PDS5B: variants seen among roughly 807,000 people sequenced by gnomAD.
The protein encoded by PDS5B is sister chromatid cohesion protein PDS5 homolog B.
PDS5B carries 51 observed loss-of-function variants against 184.1 expected under a neutral mutation model. The observed-to-expected ratio is 0.28, with a 90% CI of 0.22 to 0.35. PDS5B has a LOEUF of 0.35. PDS5B is among the 10% of genes least tolerant of loss of function. The probability of loss-of-function intolerance (pLI) is 1.00; values close to 1 mark genes in which losing one functional copy is unlikely to be tolerated. For missense variants in PDS5B, 1,180 were observed against 1,723.3 expected (o/e 0.68, Z 5.58); for synonymous variants, 566 against 569.2 (o/e 0.99, Z 0.08).
chr13:32,603,741 G>A (rs1488552389), intron 1 of PDS5B, among the ~76,000 whole-genome samples: 1 of 150,646 alleles, frequency 6.6e-6, no homozygotes, highest in African/African-American at 2.4e-5. Flanking sequence ...TGGAATGTTT[G>A]TGTCCTCTTT....
chr13:32,654,880 G>A (rs974878469), intron 3 of PDS5B, among the ~76,000 whole-genome samples: 27 of 152,234 alleles, frequency 1.8e-4, no homozygotes, highest in African/African-American at 4.8e-4. Context: ...TTATGGCTGT[G>A]TAATAGTCCA....
At chr13:32,653,976 A>G (rs534854280) in intron 3 of PDS5B, among the ~76,000 whole-genome samples, 5 of 152,352 alleles carry the variant, frequency 3.3e-5, no homozygotes, top group South Asian at 2.1e-4. Flanking sequence ...TCCCTAAAGA[A>G]TAGCTACATA....
rs188161345 is a variant in PDS5B, at chr13:32,716,313, G to A, written c.2123+6207G>A. Among the ~76,000 whole-genome samples the A allele has an allele frequency of 6.5e-3, 984 of 150,360 alleles. 20 individuals carry two copies. The highest frequency in any genetic ancestry group is 0.022 in the African/African-American group (900 of 40,636). ...ATGTGGGGAGCGCCTCTGCCCTGCC[G>A]CCCCATCTGGGATGTGAGGAGCGCC... On this transcript the variant is annotated intron_variant, in intron 19 of 34. Transcript: ENST00000315596.
intron 21 of PDS5B, 56 bp from the exon 22 acceptor site, chr13:32,741,024 A>T: frequency 1.0e-6 from 1 of 979,850 alleles, no homozygotes; most frequent in Non-Finnish European, 1.6e-6. Context: ...ATTGAAAAGA[A>T]TTCATATTTA....
Position 32,775,030 on chromosome 13 carries a change from G to A in PDS5B, c.4322G>A (p.Ser1441Asn). Residue 1441 changes from serine to asparagine, a missense_variant, in exon 35 of 35, where the codon AGT (serine) becomes AAT (asparagine). Ser to Asn is a conservative substitution (Grantham distance 46). Transcript: ENST00000315596. ...EVSTVNVRRR[S>N]AKRERR ...TTTCCTTTTAAGGTACGGCGGCGAAGTGCTAAAAGGGAACGGCGATGAACA... is the reference window on the plus strand; with the variant it reads ...TTTCCTTTTAAGGTACGGCGGCGAAATGCTAAAAGGGAACGGCGATGAACA... 1 of 1,607,196 alleles carries A rather than the reference G, an allele frequency of 6.2e-7. No homozygotes were observed. The highest frequency in any genetic ancestry group is 8.5e-7 in the Non-Finnish European group (1 of 1,176,476).
chr13:32,631,171 A>G (rs2058449711), intron 1 of PDS5B, among the ~76,000 whole-genome samples: 2 of 141,470 alleles, frequency 1.4e-5, no homozygotes, highest in Middle Eastern at 3.9e-3. Flanking sequence ...GCTGGGGTGC[A>G]GTGGTGGGAT....
chr13:32,658,309 AT>A lies in PDS5B; in HGVS notation c.388del (p.Tyr130IlefsTer18). 6.7e-7 allele frequency: 1 copy of A among 1,502,782 alleles called. No individual in the cohort carries two copies. The highest frequency in any genetic ancestry group is 9.2e-7 in the Non-Finnish European group (1 of 1,082,968). 93.1% of individuals were successfully genotyped at this position (1,502,782 alleles called of 1,614,324 possible). ...ACAAAGAGCCCACAATTCAATAGGT[AT>A]TTTTATTTACTTGAGGTAAGCAATA... ...EDTKSPQFNR[Y>X]FYLLENIAWV... is the part of the protein sequence containing the mutation. On this transcript the variant is annotated frameshift_variant, in exon 4 of 35. Coordinates refer to ENST00000315596, the MANE Select transcript of PDS5B (RefSeq NM_015032.4). LOFTEE classifies it high-confidence loss of function.
At chr13:32,642,700 C>T (rs1483450588) in intron 1 of PDS5B, among the ~76,000 whole-genome samples, 5 of 152,016 alleles carry the variant, frequency 3.3e-5, no homozygotes, top group African/African-American at 1.2e-4. Context: ...TTCCTTCCAC[C>T]TTTTCCTTCA....
In PDS5B at chr13:32,650,408, T is replaced by C. The variant is rs554237940; in HGVS notation, c.109-1396T>C. On this transcript the variant is annotated intron_variant, in intron 2 of 34. Coordinates refer to ENST00000315596, the MANE Select transcript of PDS5B (RefSeq NM_015032.4). Reference sequence around the variant, plus strand: ...TATGAAAAAATTATGTAGGATGATATGTACAAATACCCATGTAAGTTTTAT... The same window carrying C: ...TATGAAAAAATTATGTAGGATGATACGTACAAATACCCATGTAAGTTTTAT... 27 of 152,340 alleles carry C rather than the reference T, an allele frequency of 1.8e-4. No individual in the cohort carries two copies. The East Asian group carries it at 3.9e-3, about 22-fold the overall frequency. 9.4% of individuals were successfully genotyped at this position (152,340 alleles called of 1,614,324 possible).
rs375431485 is a variant in PDS5B, at chr13:32,631,862, TGA to T, written c.-19-16889_-19-16888del. The stretch of plus-strand genomic sequence containing the variant: ...AACTTGTCTGACCATAGGAATTGTC[TGA>T]GACATTCCTTAAAAACGGCAGAATC... On this transcript the variant is annotated intron_variant, in intron 1 of 34. Coordinates refer to ENST00000315596, the MANE Select transcript of PDS5B (RefSeq NM_015032.4). Among the ~76,000 whole-genome samples the T allele has an allele frequency of 7.2e-3, 1,093 of 152,346 alleles. 11 individuals carry two copies. The highest frequency in any genetic ancestry group is 0.025 in the African/African-American group (1,050 of 41,592).
chr13:32,736,661 TTAAA>T (rs1953339233), intron 21 of PDS5B, among the ~76,000 whole-genome samples: 1 of 152,120 alleles, frequency 6.6e-6, no homozygotes, highest in Non-Finnish European at 1.5e-5. Flanking sequence ...TTTACAAACT[TTAAA>T]TAATTTTTAG....
In PDS5B at chr13:32,655,359, C is replaced by CATATATATATATATGTATAT. The variant is rs1555296312; in HGVS notation, c.313-2866_313-2865insGTATATATATATATATATAT. On this transcript the variant is annotated intron_variant, in intron 3 of 34. Coordinates refer to ENST00000315596, the MANE Select transcript of PDS5B (RefSeq NM_015032.4). ...AAAAGTATCTCTTCATGTTCTTTGC[C>CATATATATATATATGTATAT]ATATATATATATATATTTTTTTTTT... Among the ~76,000 whole-genome samples the CATATATATATATATGTATAT allele has an allele frequency of 1.1e-3, 43 of 39,600 alleles. 3 individuals are homozygous for CATATATATATATATGTATAT. Among genetic ancestry groups the CATATATATATATATGTATAT allele is most frequent in the Admixed American group, 1.6e-3 (4 of 2,542 alleles). 26.0% of individuals were successfully genotyped at this position (39,600 alleles called of 152,430 possible).
chr13:32,750,221 C>T (rs1473505755), intron 24 of PDS5B, among the ~76,000 whole-genome samples: 1 of 152,168 alleles, frequency 6.6e-6, no homozygotes, highest in Non-Finnish European at 1.5e-5. Context: ...TGTGATGCTT[C>T]AAGGATTGAC....
At chr13:32,745,946 C>T (rs1200895965) in intron 23 of PDS5B, 31 bp from the exon 24 acceptor site, 2 of 1,544,754 alleles carry the variant, frequency 1.3e-6, no homozygotes, top group Non-Finnish European at 1.8e-6. Context: ...ATTTTAAATG[C>T]TAATCTATAT....
chr13:32,598,032 C>T (rs1287637712), intron 1 of PDS5B, among the ~76,000 whole-genome samples: 5 of 151,924 alleles, frequency 3.3e-5, no homozygotes, highest in Middle Eastern at 3.4e-3. Flanking sequence ...GAAAATCAGA[C>T]GAGACGTTTC....
intron 3 of PDS5B, 88 bp from the exon 4 acceptor site, chr13:32,658,151 A>G: frequency 1.4e-6 from 1 of 698,578 alleles, no homozygotes; most frequent in South Asian, 1.8e-5. Flanking sequence ...ATATGTACAC[A>G]TGAGTGCTGA....
intron 33 of PDS5B, among the ~76,000 whole-genome samples, chr13:32,771,944 T>TAAA (rs373941782): frequency 7.0e-6 from 1 of 142,610 alleles, no homozygotes. Context: ...AAGTATTTCT[T>TAAA]AAAAAAAAAA....
intron 1 of PDS5B, among the ~76,000 whole-genome samples, chr13:32,610,266 A>G (rs1379750817): frequency 1.3e-5 from 2 of 152,214 alleles, no homozygotes; most frequent in African/African-American, 4.8e-5. Context: ...AATGTTGAAG[A>G]CGTATAAATA....
At chr13:32,705,745 C>CAT (rs1421752419) in intron 17 of PDS5B, among the ~76,000 whole-genome samples, 1 of 152,110 alleles carries the variant, frequency 6.6e-6, no homozygotes, top group African/African-American at 2.4e-5. Context: ...AGTGGTGCAT[C>CAT]ATAGCTCACT....
Sources: allele counts gnomAD v4.1 joint callset (sites outside exome capture counted in the v4.1 genomes callset), GRCh38; gene constraint gnomAD v4.1.1; transcripts MANE v1.5; gene names NCBI Gene and HGNC (gene_info 2026-07-23, HGNC 2026-07-21).